KIFC3: variants seen among roughly 807,000 people sequenced by gnomAD.
The protein encoded by KIFC3 is kinesin-like protein KIFC3.
A neutral mutation model predicts 101.8 loss-of-function variants in KIFC3; 60 were observed. That is an observed-to-expected ratio of 0.59 (90% CI 0.48 to 0.73). KIFC3 has a LOEUF of 0.73. KIFC3 is among the 30% of genes least tolerant of loss of function. The pLI, the probability that KIFC3 is intolerant of heterozygous loss-of-function variation, is 0.00. For synonymous variants in KIFC3, 476 were observed against 482.7 expected, an observed-to-expected ratio of 0.99 and a Z score of 0.18; for missense variants, 966 against 1,137.1, an observed-to-expected ratio of 0.85 and a Z score of 2.16.
chr16:57,761,542 G>A lies in KIFC3; in HGVS notation c.1749-6C>T. The A allele has an allele frequency of 6.2e-7, 1 of 1,612,040 alleles. No individual in the cohort carries two copies. On this transcript the variant is annotated splice_region_variant and splice_polypyrimidine_tract_variant and intron_variant, in intron 13 of 19. Coordinates refer to ENST00000445690, the MANE Select transcript of KIFC3 (RefSeq NM_001130100.2). ...GCTCTTTCCCTAGCAGGTCCCTGGA[G>A]GGGCAGGTGAGACAGTCACCCCCTC...
In KIFC3 at chr16:57,769,826, C is replaced by G. The variant is rs1555606158; in HGVS notation, c.1069G>C (p.Val357Leu). The change falls in exon 8 of 20, where the codon GTG becomes CTG. Residue 357 changes from valine (V) to leucine (L), a missense_variant. Val to Leu is a conservative substitution (Grantham distance 32, BLOSUM62 1). Coordinates refer to ENST00000445690, the MANE Select transcript of KIFC3 (RefSeq NM_001130100.2). This position sits in a 1 kb window ranked among gnomAD's most constrained non-coding sequence, Gnocchi z 4.3. ...FARAQVEMKAVHENLAGVRTN... is the reference protein window; with the variant it reads ...FARAQVEMKALHENLAGVRTN... Reference sequence around the variant, plus strand: ...AGCTCACCTGCTAGATTCTCGTGCACAGCCTTCATCTCCACCTGGGCTCTG... The same window carrying G: ...AGCTCACCTGCTAGATTCTCGTGCAGAGCCTTCATCTCCACCTGGGCTCTG... The G allele has an allele frequency of 6.2e-6, 10 of 1,613,568 alleles. No individual in the cohort carries two copies. Among genetic ancestry groups the G allele is most frequent in the Non-Finnish European group, 7.6e-6 (9 of 1,180,006 alleles).
At chr16:57,814,414 T>C (rs1355912526) in intron 1 of KIFC3, among the ~76,000 whole-genome samples, 2 of 152,208 alleles carry the variant, frequency 1.3e-5, no homozygotes, top group African/African-American at 4.8e-5. Context: ...GCTCCCATGC[T>C]GTGTGACTTA....
intron 1 of KIFC3, chr16:57,816,716 G>A: frequency 2.2e-6 from 1 of 456,584 alleles, no homozygotes. Context: ...AACCTCAACA[G>A]AACTCTCCCC....
At chr16:57,840,777 A>T (rs112205637) in intron 1 of KIFC3, among the ~76,000 whole-genome samples, 4,410 of 150,864 alleles carry the variant, frequency 0.029, 97 homozygotes, top group Middle Eastern at 0.058. Context: ...AAAAAAAAAA[A>T]AGTTAAAATA....
chr16:57,840,915 C>A lies in KIFC3; in HGVS notation c.108+21814G>T, dbSNP rs149903095. On this transcript the variant is annotated intron_variant, in intron 1 of 2. Coordinates refer to the KIFC3 transcript ENST00000563028. The stretch of plus-strand genomic sequence containing the variant: ...CAGATGTCTTTGGAAGCCTCACCAG[C>A]AGATACTAGGCTTCCTGTGTCCACA... Among the ~76,000 whole-genome samples, 802 of 152,306 alleles carry A rather than the reference C, an allele frequency of 5.3e-3. 7 individuals carry two copies. The highest frequency in any genetic ancestry group is 0.018 in the African/African-American group (761 of 41,566).
chr16:57,858,977 T>A (rs535678375), intron 1 of KIFC3, among the ~76,000 whole-genome samples: 1 of 152,212 alleles, frequency 6.6e-6, no homozygotes, highest in South Asian at 2.1e-4. Flanking sequence ...AGAAAATACA[T>A]AATTGAATTC....
intron 1 of KIFC3, among the ~76,000 whole-genome samples, chr16:57,836,914 A>G (rs781930502): frequency 6.6e-6 from 1 of 152,130 alleles, no homozygotes; most frequent in Non-Finnish European, 1.5e-5. Context: ...GGCTGGTCTC[A>G]AACTCCTGGT....
At chr16:57,762,415 A>C in intron 12 of KIFC3, 145 bp from the exon 13 acceptor site, 16 of 801,936 alleles carry the variant, frequency 2.0e-5, no homozygotes, top group Non-Finnish European at 2.5e-5. Flanking sequence ...GTCCCCCAAA[A>C]TGCCCTCCAC....
intron 3 of KIFC3, among the ~76,000 whole-genome samples, chr16:57,793,028 T>C (rs926009187): frequency 2.6e-5 from 4 of 152,216 alleles, no homozygotes; most frequent in Non-Finnish European, 5.9e-5. Context: ...GGCTCATGCC[T>C]GTAATCCCAG....
intron 1 of KIFC3, among the ~76,000 whole-genome samples, chr16:57,814,177 T>C (rs2055161983): frequency 6.6e-6 from 1 of 152,142 alleles, no homozygotes; most frequent in Admixed American, 6.6e-5. Flanking sequence ...ACCCTCTTTC[T>C]GGTCTTTGAA....
chr16:57,767,017 A>T, intron 9 of KIFC3, 32 bp from the exon 10 acceptor site: 2 of 1,572,214 alleles, frequency 1.3e-6, no homozygotes, highest in Non-Finnish European at 1.7e-6. Flanking sequence ...TGTCAGGGGG[A>T]CGGCTCCATC....
rs374294362 is a variant in KIFC3 at position 57,828,810 on chromosome 16, C to A, written c.109-30528G>T. On this transcript the variant is annotated intron_variant, in intron 1 of 2. Transcript: ENST00000563028. Reference sequence around the variant, plus strand: ...TCCACTACAAGCCCAGCCCCCTCCACGCACAAGCCCCTCACCCCCCAGCAG... The same window carrying A: ...TCCACTACAAGCCCAGCCCCCTCCAAGCACAAGCCCCTCACCCCCCAGCAG... Among the ~76,000 whole-genome samples the A allele has an allele frequency of 5.9e-5, 9 of 152,248 alleles. No individual in the cohort carries two copies. In the East Asian group the frequency reaches 9.7e-4, roughly 16 times the overall value.
rs146386887 is a variant in KIFC3, at chr16:57,783,472, C to CTTTTTTTTT, written c.316-11193_316-11185dup. Among the ~76,000 whole-genome samples the CTTTTTTTTT allele has an allele frequency of 1.1e-3, 92 of 82,558 alleles. 1 individual carries two copies. Among genetic ancestry groups the CTTTTTTTTT allele is most frequent in the African/African-American group, 1.7e-3 (49 of 28,464 alleles). The allele number at this position is 82,558 out of a possible 152,430, so 54.2% of individuals were successfully genotyped here. On this transcript the variant is annotated intron_variant, in intron 3 of 19. Transcript: ENST00000445690. ...ATCTCCACAAAGCCCATTTTCTTTTCTTTTTTTTTTTTTTTTTGAGACAGA... is the reference window on the plus strand; with the variant it reads ...ATCTCCACAAAGCCCATTTTCTTTTCTTTTTTTTTTTTTTTTTTTTTTTTTTGAGACAGA...
intron 3 of KIFC3, among the ~76,000 whole-genome samples, chr16:57,790,012 C>T (rs1245942479): frequency 6.6e-6 from 1 of 151,556 alleles, no homozygotes; most frequent in African/African-American, 2.4e-5. Flanking sequence ...GCTGGGATTA[C>T]AGGCATGAGC....
intron 2 of KIFC3, among the ~76,000 whole-genome samples, chr16:57,796,571 A>T (rs1254884876): frequency 6.6e-6 from 1 of 152,244 alleles, no homozygotes; most frequent in Non-Finnish European, 1.5e-5. Flanking sequence ...GAGCTGGCTG[A>T]GGCCCAGTGG....
intron 1 of KIFC3, chr16:57,815,457 G>C (rs1261411417): frequency 8.3e-7 from 1 of 1,199,740 alleles, no homozygotes; most frequent in African/African-American, 1.6e-5. Context: ...AGCCCGAGGG[G>C]CTGCTTACAA....
Position 57,795,035 on chromosome 16 carries a change from G to T in KIFC3, c.279C>A (p.Gly93=), listed in dbSNP as rs1555622046. The T allele has an allele frequency of 2.5e-6, 4 of 1,598,800 alleles. No individual in the cohort carries two copies. Among genetic ancestry groups the T allele is most frequent in the Non-Finnish European group, 3.4e-6 (4 of 1,174,648 alleles). ...QCRALSVDWA[G]PGSPHGLYLT... ...GGTAGAGCCCGTGGGGGCTTCCGGGGCCAGCCCAGTCCACGCTAAGGGCTC... is the reference window on the plus strand; with the variant it reads ...GGTAGAGCCCGTGGGGGCTTCCGGGTCCAGCCCAGTCCACGCTAAGGGCTC... Residue 93 remains glycine (G), a synonymous_variant, in exon 3 of 20, where the codon GGC becomes GGA. Transcript: ENST00000445690.
intron 7 of KIFC3, 68 bp downstream of exon 7, chr16:57,770,459 G>A (rs1359129769): frequency 1.2e-5 from 15 of 1,299,488 alleles, no homozygotes; most frequent in African/African-American, 1.5e-5. Flanking sequence ...ATGTTTAACC[G>A]ATGCATTGGC....
chr16:57,768,104 T>C (rs1318572504), intron 9 of KIFC3, among the ~76,000 whole-genome samples: 1 of 152,086 alleles, frequency 6.6e-6, no homozygotes, highest in Non-Finnish European at 1.5e-5. Flanking sequence ...GGTGGGCGGA[T>C]CACCTGAGGT....
Sources: allele counts gnomAD v4.1 joint callset (sites outside exome capture counted in the v4.1 genomes callset), GRCh38; gene constraint gnomAD v4.1.1; non-coding constraint Gnocchi (gnomAD v3.1); transcripts MANE v1.5; gene names NCBI Gene and HGNC (gene_info 2026-07-23, HGNC 2026-07-21).